The following PCDH15 variants were observed in gnomAD, a reference collection of about 807,000 sequenced individuals.
PCDH15 encodes protocadherin related 15.
Under a neutral mutation model 178.5 loss-of-function variants are expected in PCDH15, and 129 were observed. The ratio of observed to expected loss-of-function variants is 0.72; its 90% CI spans 0.63 to 0.84. The LOEUF (loss-of-function observed/expected upper bound fraction) is 0.84. Ranked by LOEUF, PCDH15 falls within the 40% of genes least tolerant of loss-of-function variation. PCDH15 has a pLI of 0.00. For synonymous variants in PCDH15, 800 were observed against 732.0 expected (o/e 1.09, Z -1.50); for missense variants, 2,230 against 2,099.9 (o/e 1.06, Z -1.21).
intron 2 of PCDH15, among the ~76,000 whole-genome samples, chr10:54,659,272 CA>C (rs1424911332): frequency 6.6e-6 from 1 of 152,132 alleles, no homozygotes; most frequent in East Asian, 1.9e-4. Flanking sequence ...AACTCTTGAT[CA>C]AATGGATGTA....
chr10:55,621,709 C>T (rs1389097163), intron 2 of PCDH15, among the ~76,000 whole-genome samples: 4 of 151,866 alleles, frequency 2.6e-5, no homozygotes, highest in Non-Finnish European at 4.4e-5. Context: ...CCAGCCATCC[C>T]TGGTCTGTGA....
chr10:54,253,222 G>A (rs1474275443), intron 8 of PCDH15, among the ~76,000 whole-genome samples: 3 of 151,956 alleles, frequency 2.0e-5, no homozygotes, highest in African/African-American at 7.2e-5. Flanking sequence ...AAATAACTTT[G>A]TTTTGATATT....
At chr10:55,064,480 AG>A (rs1841512385) in intron 2 of PCDH15, among the ~76,000 whole-genome samples, 1 of 152,068 alleles carries the variant, frequency 6.6e-6, no homozygotes, top group African/African-American at 2.4e-5. Context: ...TACTCATATT[AG>A]GTTGGGGCAT....
chr10:53,969,103 A>C (rs140907944), intron 21 of PCDH15, among the ~76,000 whole-genome samples: 1 of 152,066 alleles, frequency 6.6e-6, no homozygotes, highest in African/African-American at 2.4e-5. Flanking sequence ...GAAGCTAAAA[A>C]CCTTGAAAAA....
chr10:54,673,683 C>T (rs942229951), intron 1 of PCDH15, among the ~76,000 whole-genome samples: 1 of 152,092 alleles, frequency 6.6e-6, no homozygotes, highest in African/African-American at 2.4e-5. Flanking sequence ...GATGATCTGC[C>T]CTCCTTGGCC....
At chr10:55,390,043 A>G (rs1177196355) in intron 2 of PCDH15, among the ~76,000 whole-genome samples, 2 of 152,180 alleles carry the variant, frequency 1.3e-5, no homozygotes, top group Admixed American at 6.6e-5. Flanking sequence ...TTACAGGCAC[A>G]ACTCAGAGAT....
chr10:55,029,770 A>C (rs989277786), intron 2 of PCDH15, among the ~76,000 whole-genome samples: 1 of 152,110 alleles, frequency 6.6e-6, no homozygotes, highest in Non-Finnish European at 1.5e-5. Context: ...TTCTATGTAG[A>C]CAATGATGGG....
chr10:54,641,712 C>T (rs11004427), intron 2 of PCDH15, among the ~76,000 whole-genome samples: 5,050 of 116,488 alleles, frequency 0.043, 186 homozygotes, highest in African/African-American at 0.091. Flanking sequence ...ATTATCTCTC[C>T]GTTGGACTAT....
chr10:55,408,942 GT>G (rs374755036), intron 2 of PCDH15, among the ~76,000 whole-genome samples: 32 of 151,602 alleles, frequency 2.1e-4, no homozygotes, highest in African/African-American at 6.5e-4. Context: ...CCTTTTAAAA[GT>G]TTTTTTTCTT....
intron 2 of PCDH15, among the ~76,000 whole-genome samples, chr10:55,449,978 G>A (rs1460268402): frequency 6.6e-6 from 1 of 151,900 alleles, no homozygotes; most frequent in Non-Finnish European, 1.5e-5. Context: ...AGGACTCTGG[G>A]AACATATAAA....
chr10:53,853,643 C>T (rs991798670), intron 28 of PCDH15, among the ~76,000 whole-genome samples: 4 of 151,990 alleles, frequency 2.6e-5, no homozygotes, highest in African/African-American at 9.7e-5. Flanking sequence ...AGATGATATA[C>T]AATGGCCAAT....
chr10:55,450,235 T>C (rs1388112970), intron 2 of PCDH15, among the ~76,000 whole-genome samples: 1 of 152,042 alleles, frequency 6.6e-6, no homozygotes, highest in African/African-American at 2.4e-5. Flanking sequence ...CTCAGTGCAA[T>C]CATAACATAT....
intron 1 of PCDH15, among the ~76,000 whole-genome samples, chr10:54,736,690 T>C (rs1944172042): frequency 6.6e-6 from 1 of 151,842 alleles, no homozygotes; most frequent in Non-Finnish European, 1.5e-5. Flanking sequence ...TGAATATACC[T>C]TCTTCTACTA....
chr10:55,484,107 G>A (rs1010535896), intron 2 of PCDH15, among the ~76,000 whole-genome samples: 1 of 151,622 alleles, frequency 6.6e-6, no homozygotes, highest in Admixed American at 6.6e-5. Flanking sequence ...CATGGACACT[G>A]AGAGGGGAAC....
In PCDH15 at chr10:55,259,766, GCGGTGCATGCCTGTAA is replaced by G. The variant is rs1842099784; in HGVS notation, c.-156+59817_-156+59832del. On this transcript the variant is annotated intron_variant, in intron 1 of 5. Transcript: ENST00000458638. ...AAAAATACAAAATTAGCTGGGCGTG[GCGGTGCATGCCTGTAA>G]TCCCAGCTACTCAGGAGGCTGAGGC... Among the ~76,000 whole-genome samples, 3 of 151,672 alleles carry G rather than the reference GCGGTGCATGCCTGTAA, an allele frequency of 2.0e-5. No homozygotes were observed. The South Asian group carries it at 6.3e-4, about 32-fold the overall frequency.
At chr10:54,182,319 T>G (rs2048065176) in intron 13 of PCDH15, among the ~76,000 whole-genome samples, 1 of 152,198 alleles carries the variant, frequency 6.6e-6, no homozygotes, top group South Asian at 2.1e-4. Flanking sequence ...TTGGTGATGA[T>G]TTATCCTTGG....
intron 1 of PCDH15, among the ~76,000 whole-genome samples, chr10:55,207,053 C>A (rs1028804780): frequency 2.6e-5 from 4 of 151,970 alleles, no homozygotes; most frequent in South Asian, 2.1e-4. Flanking sequence ...TTCTCTCACA[C>A]CCTTCTAACC....
intron 3 of PCDH15, among the ~76,000 whole-genome samples, chr10:54,441,776 T>A (rs2075804712): frequency 6.6e-6 from 1 of 151,866 alleles, no homozygotes; most frequent in Admixed American, 6.6e-5. Context: ...ACATAGCTTC[T>A]GGCATTTATT....
chr10:55,290,113 A>C (rs1314868898), intron 1 of PCDH15, among the ~76,000 whole-genome samples: 1 of 151,890 alleles, frequency 6.6e-6, no homozygotes, highest in Non-Finnish European at 1.5e-5. Flanking sequence ...ATAGCAACAG[A>C]AAATAAACAA....
Sources: gnomAD v4.1 joint callset for allele counts (sites outside exome capture counted in the v4.1 genomes callset) on GRCh38, gnomAD v4.1.1 for gene constraint, MANE v1.5 for transcripts, NCBI Gene and HGNC (gene_info 2026-07-23, HGNC 2026-07-21) for gene names.